MCC: variants seen among roughly 807,000 people sequenced by gnomAD.
MCC encodes the protein MCC regulator of Wnt signaling pathway.
Under a neutral mutation model 116.2 loss-of-function variants are expected in MCC, and 90 were observed. That is an observed-to-expected ratio of 0.77 (90% confidence interval 0.65 to 0.92). The LOEUF (loss-of-function observed/expected upper bound fraction) is 0.92. Ranked by LOEUF, MCC falls within the 40% of genes least tolerant of loss-of-function variation. MCC has a pLI of 0.00. For synonymous variants in MCC, 578 were observed against 510.5 expected, an observed-to-expected ratio of 1.13 and a Z score of -1.78; for missense variants, 1,516 against 1,312.2, an observed-to-expected ratio of 1.16 and a Z score of -2.40.
At chr5:113,328,017 A>G (rs536223139) in intron 3 of MCC, among the ~76,000 whole-genome samples, 148 of 152,314 alleles carry the variant, frequency 9.7e-4, no homozygotes, top group Non-Finnish European at 1.9e-3. Context: ...AGTATAATTG[A>G]CACCATAATT....
intron 3 of MCC, among the ~76,000 whole-genome samples, chr5:113,164,509 A>ATGCTACCATT (rs1760670082): frequency 1.3e-5 from 2 of 152,176 alleles, no homozygotes; most frequent in African/African-American, 4.8e-5. Context: ...CTTTTGGTAA[A>ATGCTACCATT]TGGTAGCCAG....
At chr5:113,113,651 C>CAA (rs11405354) in intron 6 of MCC, among the ~76,000 whole-genome samples, 3,110 of 107,348 alleles carry the variant, frequency 0.029, 152 homozygotes, top group East Asian at 0.11. Context: ...TATGTTCTTG[C>CAA]AAAAAAAAAA....
At chr5:113,068,459 G>A (rs537627086) in intron 12 of MCC, among the ~76,000 whole-genome samples, 64 of 152,342 alleles carry the variant, frequency 4.2e-4, no homozygotes, top group African/African-American at 1.5e-3. Context: ...GTGACCACCT[G>A]AAAGGACCAT....
chr5:113,124,669 G>A (rs1050884968), intron 5 of MCC, among the ~76,000 whole-genome samples: 14 of 152,222 alleles, frequency 9.2e-5, no homozygotes, highest in Non-Finnish European at 2.9e-5. Flanking sequence ...GGAAAGGGAA[G>A]CTGTTATTGC....
chr5:113,249,127 C>G (rs899859040), intron 3 of MCC, among the ~76,000 whole-genome samples: 5 of 145,384 alleles, frequency 3.4e-5, no homozygotes, highest in African/African-American at 1.4e-4. Flanking sequence ...CAGGCGTGAG[C>G]CACCGCACCC....
At chr5:113,223,649 G>T (rs181594839) in intron 3 of MCC, among the ~76,000 whole-genome samples, 20 of 152,214 alleles carry the variant, frequency 1.3e-4, no homozygotes, top group African/African-American at 4.6e-4. Flanking sequence ...TTCGATAAAG[G>T]GAAAGGGAGA....
intron 8 of MCC, among the ~76,000 whole-genome samples, chr5:113,097,209 T>C (rs1441580257): frequency 1.3e-5 from 2 of 152,206 alleles, no homozygotes; most frequent in Admixed American, 1.3e-4. Context: ...ACTTTTTTGT[T>C]TTTGCTTAAT....
chr5:113,080,272 A>G lies in MCC; in HGVS notation c.1784+2588T>C, dbSNP rs1382022220. Among the ~76,000 whole-genome samples, 3 of 152,258 alleles carry G rather than the reference A, an allele frequency of 2.0e-5. No homozygotes were observed. In the East Asian group the frequency reaches 5.8e-4, roughly 29 times the overall value. ...ATTCCTCAAGGATCTAGAACTAGAAATACCATTTGACCCAGCCATCCCATT... is the reference window on the plus strand; with the variant it reads ...ATTCCTCAAGGATCTAGAACTAGAAGTACCATTTGACCCAGCCATCCCATT... On this transcript the variant is annotated intron_variant, in intron 11 of 18. Transcript: ENST00000408903.
chr5:113,156,107 C>T (rs1336156473), intron 3 of MCC, among the ~76,000 whole-genome samples: 1 of 152,196 alleles, frequency 6.6e-6, no homozygotes, highest in Non-Finnish European at 1.5e-5. Flanking sequence ...CAGTCCCTAG[C>T]AACTTTGTGG....
rs555075494 is a variant in MCC at position 113,259,057 on chromosome 5, T to G, written c.627+81462A>C. Reference sequence around the variant, plus strand: ...TGTGTGTAAAAATGTTAAAAGGTGTTTTATTTTAAACCCACCCATATTTTT... The same window carrying G: ...TGTGTGTAAAAATGTTAAAAGGTGTGTTATTTTAAACCCACCCATATTTTT... On this transcript the variant is annotated intron_variant, in intron 3 of 18. Transcript: ENST00000408903. 1.6e-4 allele frequency among the ~76,000 whole-genome samples: 24 copies of G among 150,846 alleles called. No individual in the cohort carries two copies. The South Asian group carries it at 4.8e-3, about 30-fold the overall frequency.
In MCC at chr5:113,456,576, C is replaced by G. The variant is rs1284487724; in HGVS notation, c.170+31669G>C. Among the ~76,000 whole-genome samples the G allele has an allele frequency of 2.7e-5, 4 of 149,982 alleles. No homozygotes were observed. In the East Asian group the frequency reaches 7.8e-4, roughly 29 times the overall value. ...GGTTCACGCCATTCTCCTGCCTCAG[C>G]CTCTCCAATAGCTGGGACTACAGTC... On this transcript the variant is annotated intron_variant, in intron 1 of 18. Coordinates refer to ENST00000408903, the MANE Select transcript of MCC (RefSeq NM_001085377.2).
At chr5:113,466,753 C>T (rs77686859) in intron 1 of MCC, among the ~76,000 whole-genome samples, 2,444 of 152,118 alleles carry the variant, frequency 0.016, 21 homozygotes, top group Non-Finnish European at 0.024. Flanking sequence ...CCTGAGGAAT[C>T]GCCACACTGA....
intron 3 of MCC, among the ~76,000 whole-genome samples, chr5:113,157,896 C>T (rs1760262111): frequency 1.3e-5 from 2 of 152,292 alleles, no homozygotes; most frequent in South Asian, 4.2e-4. Flanking sequence ...AATATGCCAG[C>T]ACTGCTACTC....
At chr5:113,369,222 G>T (rs1252800913) in intron 2 of MCC, among the ~76,000 whole-genome samples, 1 of 151,560 alleles carries the variant, frequency 6.6e-6, no homozygotes, top group Non-Finnish European at 1.5e-5. Flanking sequence ...GTTGGGGGCT[G>T]GGGCTTAAAG....
chr5:113,399,765 C>A (rs1016576267), intron 1 of MCC, among the ~76,000 whole-genome samples: 43 of 152,212 alleles, frequency 2.8e-4, no homozygotes, highest in African/African-American at 9.6e-4. Context: ...ATTTATAGGA[C>A]TTCTGGGGCA....
chr5:113,453,790 T>TA (rs2150421438), intron 1 of MCC, among the ~76,000 whole-genome samples: 1 of 152,254 alleles, frequency 6.6e-6, no homozygotes, highest in Admixed American at 6.5e-5. Context: ...TTTGGTTGTT[T>TA]AAAAAATGTA....
intron 1 of MCC, among the ~76,000 whole-genome samples, chr5:113,416,770 A>G (rs1770162630): frequency 6.6e-6 from 1 of 152,272 alleles, no homozygotes; most frequent in African/African-American, 2.4e-5. Flanking sequence ...CCACATACAT[A>G]TATTACTTCT....
intron 1 of MCC, among the ~76,000 whole-genome samples, chr5:113,415,127 G>A (rs568844772): frequency 7.2e-5 from 11 of 152,270 alleles, no homozygotes; most frequent in African/African-American, 1.9e-4. Context: ...AGTTTCTGCC[G>A]AGAGATCTGC....
At chr5:113,292,137 T>A (rs192666272) in intron 3 of MCC, among the ~76,000 whole-genome samples, 1 of 151,828 alleles carries the variant, frequency 6.6e-6, no homozygotes, top group African/African-American at 2.4e-5. Flanking sequence ...GAGACTGAGG[T>A]AAGAGAATCG....
Sources: gnomAD v4.1 joint callset for allele counts (sites outside exome capture counted in the v4.1 genomes callset) on GRCh38, gnomAD v4.1.1 for gene constraint, MANE v1.5 for transcripts, NCBI Gene and HGNC (gene_info 2026-07-23, HGNC 2026-07-21) for gene names.